NPFFR2: variants seen among roughly 807,000 people sequenced by gnomAD.
NPFFR2 encodes the protein neuropeptide FF receptor 2.
NPFFR2 carries 15 observed loss-of-function variants against 13.1 expected under a neutral mutation model. The ratio of observed to expected loss-of-function variants is 1.15; its 90% CI spans 0.77 to 1.76. NPFFR2 has a LOEUF of 1.76. NPFFR2 is among the 40% of genes most tolerant of loss of function. The pLI is 0.00. For missense variants in NPFFR2, 572 were observed against 503.5 expected (o/e 1.14, Z -1.30); for synonymous variants, 190 against 175.7 (o/e 1.08, Z -0.65).
chr4:72,043,749 G>A (rs1226216715), intron 1 of NPFFR2, among the ~76,000 whole-genome samples: 1 of 152,174 alleles, frequency 6.6e-6, no homozygotes, highest in Non-Finnish European at 1.5e-5. Context: ...TAGGCTCATA[G>A]GTGGAAGGGA....
Position 72,147,329 on chromosome 4 carries a change from G to T in NPFFR2, c.780G>T (p.Glu260Asp). ...AVPHTGRKNQ[E>D]QWHVVSRKKQ... is the part of the protein sequence containing the mutation. ...CTCACACAGGCAGGAAGAACCAGGA[G>T]CAGTGGCACGTGGTGTCCAGGAAGA... Residue 260 changes from glutamate to aspartate, a missense_variant, in exon 4 of 4, where the codon GAG becomes GAT. Physicochemically the swap from Glu to Asp is conservative, Grantham distance 45 (BLOSUM62 2). Transcript: ENST00000308744. 1 of 1,614,176 alleles carries T rather than the reference G, an allele frequency of 6.2e-7. No individual in the cohort carries two copies. Among genetic ancestry groups the T allele is most frequent in the Non-Finnish European group, 8.5e-7 (1 of 1,180,040 alleles).
intron 1 of NPFFR2, among the ~76,000 whole-genome samples, chr4:72,048,424 G>A (rs1451844096): frequency 6.6e-6 from 1 of 152,066 alleles, no homozygotes; most frequent in Non-Finnish European, 1.5e-5. Flanking sequence ...AACATAAATT[G>A]CAATCTTAAT....
chr4:72,060,508 T>C (rs1719889627), intron 1 of NPFFR2, among the ~76,000 whole-genome samples: 1 of 152,098 alleles, frequency 6.6e-6, no homozygotes, highest in Admixed American at 6.6e-5. Flanking sequence ...AATGAAGAGG[T>C]AGATTCCCTC....
At chr4:72,145,611 C>T (rs539254441) in intron 3 of NPFFR2, among the ~76,000 whole-genome samples, 27 of 152,008 alleles carry the variant, frequency 1.8e-4, no homozygotes, top group South Asian at 4.2e-4. Flanking sequence ...ACTGGAAGAA[C>T]GCTTGAAGTT....
chr4:72,116,160 T>C (rs571448849), intron 1 of NPFFR2, among the ~76,000 whole-genome samples: 1 of 152,294 alleles, frequency 6.6e-6, no homozygotes, highest in East Asian at 1.9e-4. Flanking sequence ...ACTTTAATGT[T>C]TGTACTAAAG....
rs140602282 is a variant in NPFFR2, at chr4:72,137,807, C to T, written c.329-233C>T. ...ATTAGATATGTTAATAGACAGAGACCACTTATAGTGCCTGGAATGTGATAA... is the reference window on the plus strand; with the variant it reads ...ATTAGATATGTTAATAGACAGAGACTACTTATAGTGCCTGGAATGTGATAA... On this transcript the variant is annotated intron_variant, in intron 2 of 3. Coordinates refer to ENST00000308744, the MANE Select transcript of NPFFR2 (RefSeq NM_004885.3). 3.1e-3 allele frequency among the ~76,000 whole-genome samples: 473 copies of T among 152,218 alleles called. 4 individuals are homozygous for T. Among genetic ancestry groups the T allele is most frequent in the Middle Eastern group, 0.031 (9 of 292 alleles).
intron 1 of NPFFR2, among the ~76,000 whole-genome samples, chr4:72,093,404 G>A (rs1720966648): frequency 6.6e-6 from 1 of 152,118 alleles, no homozygotes; most frequent in African/African-American, 2.4e-5. Flanking sequence ...AGTTTTTCTT[G>A]ATTATTTCCT....
intron 1 of NPFFR2, among the ~76,000 whole-genome samples, chr4:72,057,378 G>T (rs1719784425): frequency 6.6e-6 from 1 of 151,898 alleles, no homozygotes; most frequent in Non-Finnish European, 1.5e-5. Flanking sequence ...CAAGGGGTAG[G>T]AAGGACCAAG....
In NPFFR2 at chr4:72,038,497, G is replaced by A. The variant is rs182513790; in HGVS notation, c.-8+6297G>A. On this transcript the variant is annotated intron_variant, in intron 1 of 3. Coordinates refer to ENST00000308744, the MANE Select transcript of NPFFR2 (RefSeq NM_004885.3). ...ATCTTTTTACAGGTCCAGACAAGTTGCCGAAACTTCAACCTTATCATTCCT... is the reference window on the plus strand; with the variant it reads ...ATCTTTTTACAGGTCCAGACAAGTTACCGAAACTTCAACCTTATCATTCCT... Among the ~76,000 whole-genome samples, 3 of 149,024 alleles carry A rather than the reference G, an allele frequency of 2.0e-5. No individual in the cohort carries two copies. In the Admixed American group the frequency reaches 2.0e-4, roughly 10 times the overall value.
chr4:72,134,025 G>A (rs1722332421), intron 2 of NPFFR2, among the ~76,000 whole-genome samples: 1 of 152,142 alleles, frequency 6.6e-6, no homozygotes, highest in Non-Finnish European at 1.5e-5. Flanking sequence ...AGCATTTTGG[G>A]AGGCCAAGGC....
At position 72,121,975 on chromosome 4, in the gene NPFFR2, A is replaced by G. The variant is rs115877732; in HGVS notation, c.-7-6610A>G. ...CACTGGCAAATCGGATAAAGAGTCA[A>G]AATCCACTGGTGTGCTGTATTCAGG... On this transcript the variant is annotated intron_variant, in intron 1 of 3. Coordinates refer to ENST00000308744, the MANE Select transcript of NPFFR2 (RefSeq NM_004885.3). Among the ~76,000 whole-genome samples the G allele has an allele frequency of 9.8e-3, 1,489 of 152,310 alleles. 32 individuals are homozygous for G. The highest frequency in any genetic ancestry group is 0.033 in the African/African-American group (1,387 of 41,558).
intron 1 of NPFFR2, among the ~76,000 whole-genome samples, chr4:72,091,092 A>G (rs2109801811): frequency 6.6e-6 from 1 of 152,212 alleles, no homozygotes; most frequent in East Asian, 1.9e-4. Context: ...TGAGATGATC[A>G]TATAATTTTT....
At chr4:72,052,881 A>G (rs1578424224) in intron 1 of NPFFR2, among the ~76,000 whole-genome samples, 2 of 152,104 alleles carry the variant, frequency 1.3e-5, no homozygotes, top group Non-Finnish European at 2.9e-5. Flanking sequence ...TATTAATTTC[A>G]GGTCTTACAT....
At chr4:72,054,507 A>G (rs563101538) in intron 1 of NPFFR2, among the ~76,000 whole-genome samples, 2 of 152,108 alleles carry the variant, frequency 1.3e-5, no homozygotes, top group African/African-American at 4.8e-5. Flanking sequence ...GTAAACATAT[A>G]AGCTAAAACT....
At chr4:72,063,422 ATGT>A (rs1326017515) in intron 1 of NPFFR2, among the ~76,000 whole-genome samples, 1 of 152,168 alleles carries the variant, frequency 6.6e-6, no homozygotes, top group East Asian at 1.9e-4. Context: ...CTCTTTAATA[ATGT>A]TGTGCAGCAG....
chr4:72,147,310 C>T lies in NPFFR2; in HGVS notation c.761C>T (p.Thr254Ile), dbSNP rs1560426448. Reference protein sequence around the residue: ...ISLFRAAVPHTGRKNQEQWHV... With the variant: ...ISLFRAAVPHIGRKNQEQWHV... ...CTCTTCAGGGCTGCAGTTCCTCACA[C>T]AGGCAGGAAGAACCAGGAGCAGTGG... Residue 254 changes from threonine to isoleucine, a missense_variant, in exon 4 of 4, where the codon ACA becomes ATA. By Grantham distance (89) the Thr-to-Ile change is moderately conservative. Transcript: ENST00000308744. The T allele has an allele frequency of 4.3e-6, 7 of 1,614,176 alleles. No homozygotes were observed. The highest frequency in any genetic ancestry group is 1.3e-5 in the African/African-American group (1 of 75,034).
At chr4:72,067,067 C>T (rs1330177203) in intron 1 of NPFFR2, among the ~76,000 whole-genome samples, 4 of 152,078 alleles carry the variant, frequency 2.6e-5, no homozygotes, top group East Asian at 1.9e-4. Context: ...CCCTGGGCCC[C>T]GATCCTCTCT....
intron 1 of NPFFR2, among the ~76,000 whole-genome samples, chr4:72,036,496 G>GGTGT (rs778586674): frequency 1.5e-5 from 2 of 132,556 alleles, no homozygotes; most frequent in Non-Finnish European, 3.0e-5. Flanking sequence ...GGGTTCGGGT[G>GGTGT]GTGTGTGTGT....
intron 1 of NPFFR2, among the ~76,000 whole-genome samples, chr4:72,037,091 C>A (rs1719056947): frequency 6.6e-6 from 1 of 151,944 alleles, no homozygotes; most frequent in South Asian, 2.1e-4. Context: ...CATTTAAAAT[C>A]TTTAAAGTAC....
Sources: allele counts gnomAD v4.1 joint callset (sites outside exome capture counted in the v4.1 genomes callset), GRCh38; gene constraint gnomAD v4.1.1; transcripts MANE v1.5; gene names NCBI Gene and HGNC (gene_info 2026-07-23, HGNC 2026-07-21).